The following SLC8A1 variants were observed in gnomAD, a reference collection of about 807,000 sequenced individuals.
SLC8A1 encodes the protein solute carrier family 8 member A1, also known as sodium/calcium exchanger 1.
SLC8A1 carries 18 observed loss-of-function variants against 68.3 expected under a neutral mutation model. The ratio of observed to expected loss-of-function variants is 0.26; its 90% CI spans 0.18 to 0.39. The LOEUF (loss-of-function observed/expected upper bound fraction) is 0.39, where lower values mean the gene tolerates loss of function less well. Ranked by LOEUF, SLC8A1 falls within the 10% of genes least tolerant of loss-of-function variation. SLC8A1 has a pLI of 1.00. For missense variants in SLC8A1, 985 were observed against 1,156.7 expected, an observed-to-expected ratio of 0.85 and a Z score of 2.15; for synonymous variants, 475 against 415.5, an observed-to-expected ratio of 1.14 and a Z score of -1.74.
chr2:40,273,698 G>A (rs1039494099), intron 2 of SLC8A1, among the ~76,000 whole-genome samples: 1 of 152,110 alleles, frequency 6.6e-6, no homozygotes, highest in Non-Finnish European at 1.5e-5. Context: ...ACTAAAATAA[G>A]GTTGTTAAAT....
At chr2:40,319,249 A>T (rs1454725413) in intron 2 of SLC8A1, among the ~76,000 whole-genome samples, 3 of 152,142 alleles carry the variant, frequency 2.0e-5, no homozygotes, top group Admixed American at 1.3e-4. Flanking sequence ...AGTGTTCGTG[A>T]AGCTTCCAGC....
At chr2:40,417,998 T>G (rs1375834850) in intron 2 of SLC8A1, among the ~76,000 whole-genome samples, 1 of 152,068 alleles carries the variant, frequency 6.6e-6, no homozygotes, top group Non-Finnish European at 1.5e-5. Context: ...TAAGAATTGA[T>G]CATAGAATTA....
At chr2:40,211,054 C>G (rs1195234462) in intron 2 of SLC8A1, among the ~76,000 whole-genome samples, 1 of 152,158 alleles carries the variant, frequency 6.6e-6, no homozygotes, top group Non-Finnish European at 1.5e-5. Context: ...CTTTGTCTTT[C>G]CAGTCTAGAA....
intron 2 of SLC8A1, among the ~76,000 whole-genome samples, chr2:40,275,597 C>T (rs566035493): frequency 2.0e-5 from 3 of 152,206 alleles, no homozygotes; most frequent in Middle Eastern, 3.4e-3. Context: ...TTTTTCTTTA[C>T]GTGGGTTTTA....
chr2:40,164,713 A>T, intron 5 of SLC8A1, 141 bp downstream of exon 8: 1 of 1,166,054 alleles, frequency 8.6e-7, no homozygotes, highest in South Asian at 1.5e-5. Flanking sequence ...ATTTGGCCCC[A>T]AAGGCTCTCA....
intron 2 of SLC8A1, among the ~76,000 whole-genome samples, chr2:40,278,486 CA>C (rs1553469832): frequency 6.6e-6 from 1 of 151,424 alleles, no homozygotes; most frequent in Admixed American, 6.6e-5. Flanking sequence ...CAAAACAAAA[CA>C]AAACAAAACA....
At chr2:40,475,847 G>A (rs1297279988) in intron 1 of SLC8A1, among the ~76,000 whole-genome samples, 1 of 151,850 alleles carries the variant, frequency 6.6e-6, no homozygotes, top group African/African-American at 2.4e-5. Flanking sequence ...CATTACCTAA[G>A]CCCTAGATTC....
chr2:40,348,052 T>C (rs893771057), intron 2 of SLC8A1, among the ~76,000 whole-genome samples: 1 of 152,182 alleles, frequency 6.6e-6, no homozygotes, highest in Non-Finnish European at 1.5e-5. Context: ...AGGAGGTCAG[T>C]AATTTGGGAG....
intron 2 of SLC8A1, among the ~76,000 whole-genome samples, chr2:40,325,831 G>A (rs1559250777): frequency 6.7e-6 from 1 of 148,364 alleles, no homozygotes; most frequent in African/African-American, 2.5e-5. Flanking sequence ...GCAGGTGCCT[G>A]TAGTCCCAGC....
intron 2 of SLC8A1, among the ~76,000 whole-genome samples, chr2:40,180,728 T>C (rs914969773): frequency 7.9e-5 from 12 of 152,204 alleles, no homozygotes; most frequent in Non-Finnish European, 4.4e-5. Context: ...CTCCATCTTG[T>C]ATTTGCAACC....
chr2:40,431,361 T>G (rs1378606574), intron 1 of SLC8A1, among the ~76,000 whole-genome samples: 2 of 152,068 alleles, frequency 1.3e-5, no homozygotes, highest in Non-Finnish European at 2.9e-5. Flanking sequence ...TTAGCTCATG[T>G]GGCATGACAA....
exon 2 of SLC8A1, chr2:40,428,764 T>C: frequency 6.2e-7 from 1 of 1,613,810 alleles, no homozygotes; most frequent in Non-Finnish European, 8.5e-7. Flanking sequence ...TATGCCATCT[T>C]CTGAAGCTTC....
intron 2 of SLC8A1, among the ~76,000 whole-genome samples, chr2:40,360,161 C>T (rs540666808): frequency 1.5e-4 from 23 of 152,224 alleles, no homozygotes; most frequent in African/African-American, 5.1e-4. Context: ...TGAAGTTCCA[C>T]GAAGACAGAA....
At chr2:40,440,219 G>T (rs1374993423) in intron 1 of SLC8A1, among the ~76,000 whole-genome samples, 1 of 152,080 alleles carries the variant, frequency 6.6e-6, no homozygotes, top group African/African-American at 2.4e-5. Flanking sequence ...AAGTGGTATG[G>T]TTTTAACGTT....
chr2:40,344,594 C>G (rs1328905255), intron 2 of SLC8A1, among the ~76,000 whole-genome samples: 1 of 152,038 alleles, frequency 6.6e-6, no homozygotes, highest in Non-Finnish European at 1.5e-5. Flanking sequence ...GAGAAATGTA[C>G]TCAAAAAGCA....
At chr2:40,453,001 A>T (rs898266878), upstream of SLC8A1, among the ~76,000 whole-genome samples, 2 of 152,142 alleles carry the variant, frequency 1.3e-5, no homozygotes, top group African/African-American at 4.8e-5. Context: ...CATTGCCAAT[A>T]AATCACTTTC....
At chr2:40,422,940 C>T (rs1272045887) in intron 2 of SLC8A1, among the ~76,000 whole-genome samples, 1 of 152,106 alleles carries the variant, frequency 6.6e-6, no homozygotes, top group East Asian at 1.9e-4. Context: ...AGGTCACTTA[C>T]TTCATTGGGC....
chr2:40,210,015 G>A (rs986087536), intron 2 of SLC8A1: 2 of 152,222 alleles, frequency 1.3e-5, no homozygotes, highest in African/African-American at 4.8e-5. Flanking sequence ...GTTGGCAGAT[G>A]AGTTGGCAGG....
chr2:40,280,189 C>A (rs1158640048), intron 2 of SLC8A1, among the ~76,000 whole-genome samples: 1 of 134,894 alleles, frequency 7.4e-6, no homozygotes, highest in Non-Finnish European at 1.5e-5. Context: ...AAATATGACT[C>A]TAAAATATGA....
Sources: allele counts gnomAD v4.1 joint callset (sites outside exome capture counted in the v4.1 genomes callset), GRCh38; gene constraint gnomAD v4.1.1; transcripts MANE v1.5; gene names NCBI Gene and HGNC (gene_info 2026-07-23, HGNC 2026-07-21).